Variants in PTPRG observed in about 807,000 individuals in gnomAD.
The protein encoded by PTPRG is protein tyrosine phosphatase receptor type G.
In PTPRG, 102 loss-of-function variants were observed where a neutral mutation model predicts 165.3. The observed-to-expected ratio is 0.62, with a 90% CI of 0.53 to 0.73. The LOEUF (loss-of-function observed/expected upper bound fraction) is 0.73. Ranked by LOEUF, PTPRG falls within the 30% of genes least tolerant of loss-of-function variation. The probability of loss-of-function intolerance (pLI) is 0.00; values close to 1 mark genes in which losing one functional copy is unlikely to be tolerated. For missense variants in PTPRG, 1,866 were observed against 1,861.4 expected, an observed-to-expected ratio of 1.00 and a Z score of -0.05; for synonymous variants, 675 against 669.5, an observed-to-expected ratio of 1.01 and a Z score of -0.13.
intron 5 of PTPRG, among the ~76,000 whole-genome samples, chr3:62,114,455 G>A (rs1013997083): frequency 6.6e-6 from 1 of 152,130 alleles, no homozygotes; most frequent in Non-Finnish European, 1.5e-5. Flanking sequence ...CATTTTTGTT[G>A]TTGTTGTTGT....
Position 61,953,889 on chromosome 3 carries a change from C to T in PTPRG, c.191-35736C>T, listed in dbSNP as rs2039962360. Among the ~76,000 whole-genome samples the T allele has an allele frequency of 3.3e-5, 5 of 152,064 alleles. No individual in the cohort carries two copies. The South Asian group carries it at 1.0e-3, about 32-fold the overall frequency. On this transcript the variant is annotated intron_variant, in intron 2 of 29. Transcript: ENST00000474889. ...CTGCTGCTGTACAATCTGCTGCTCT[C>T]TTCAGATGCTTTGACCTGTTCCTAT...
At chr3:61,814,910 A>G (rs1014747258) in intron 2 of PTPRG, among the ~76,000 whole-genome samples, 4 of 151,916 alleles carry the variant, frequency 2.6e-5, no homozygotes, top group African/African-American at 9.7e-5. Flanking sequence ...TTTTATTGCT[A>G]TTTCATAAAT....
intron 1 of PTPRG, among the ~76,000 whole-genome samples, chr3:61,595,170 G>A (rs1575525869): frequency 6.6e-6 from 1 of 151,726 alleles, no homozygotes; most frequent in South Asian, 2.1e-4. Flanking sequence ...GGACGAAACC[G>A]AACAAGATGT....
Position 62,281,601 on chromosome 3 carries a change from A to T in PTPRG, c.3804A>T (p.Glu1268Asp). The T allele has an allele frequency of 6.8e-7, 1 of 1,474,392 alleles. No individual in the cohort carries two copies. The highest frequency in any genetic ancestry group is 9.1e-7 in the Non-Finnish European group (1 of 1,096,912). The allele number at this position is 1,474,392 out of a possible 1,614,324, so 91.3% of individuals were successfully genotyped here. A position where few individuals can be genotyped will look rare whatever the true frequency, so the allele number is the denominator to read the frequency against. The change falls in exon 27 of 30, where the codon GAA (glutamate) becomes GAT (aspartate). Residue 1268 changes from glutamate (E) to aspartate (D), a missense_variant. By Grantham distance (45) the Glu-to-Asp change is conservative. Coordinates refer to ENST00000474889, the MANE Select transcript of PTPRG (RefSeq NM_002841.4). ...TTGTGTACTGGCCAAGTCGAGAAGA[A>T]TCCATGAACTGTGAGGCCTTTACCG... Reference protein sequence around the residue: ...DEFVYWPSREESMNCEAFTVT... With the variant: ...DEFVYWPSREDSMNCEAFTVT...
At chr3:62,068,122 C>T (rs1049830304) in intron 4 of PTPRG, among the ~76,000 whole-genome samples, 4 of 152,118 alleles carry the variant, frequency 2.6e-5, no homozygotes, top group Non-Finnish European at 5.9e-5. Flanking sequence ...GCCTTAATTT[C>T]CTTCTGTATA....
intron 2 of PTPRG, among the ~76,000 whole-genome samples, chr3:61,890,198 T>A (rs935636829): frequency 6.6e-6 from 1 of 152,208 alleles, no homozygotes; most frequent in Non-Finnish European, 1.5e-5. Flanking sequence ...ATTTATTAGA[T>A]GGAAAATTAT....
chr3:62,002,760 A>G (rs1408948840), intron 3 of PTPRG, among the ~76,000 whole-genome samples: 1 of 152,166 alleles, frequency 6.6e-6, no homozygotes. Flanking sequence ...TCAAGAGTAG[A>G]TTTTTGCATT....
chr3:61,604,731 T>C (rs1700954051), intron 1 of PTPRG, among the ~76,000 whole-genome samples: 1 of 151,240 alleles, frequency 6.6e-6, no homozygotes, highest in Non-Finnish European at 1.5e-5. Flanking sequence ...TCAGCTTGCT[T>C]GCCATGAGTT....
intron 5 of PTPRG, among the ~76,000 whole-genome samples, chr3:62,082,937 T>C (rs973260117): frequency 2.0e-5 from 3 of 152,220 alleles, no homozygotes; most frequent in Non-Finnish European, 4.4e-5. Flanking sequence ...TTCTAGATCA[T>C]GCAGATCACC....
intron 2 of PTPRG, among the ~76,000 whole-genome samples, chr3:61,942,652 AACACAGCTATT>A (rs1244007750): frequency 6.6e-6 from 1 of 152,226 alleles, no homozygotes; most frequent in Non-Finnish European, 1.5e-5. Flanking sequence ...GAGGTTTGTG[AACACAGCTATT>A]ACACAGCTAT....
intron 2 of PTPRG, among the ~76,000 whole-genome samples, chr3:61,788,909 T>C (rs1376642470): frequency 6.6e-6 from 1 of 152,216 alleles, no homozygotes; most frequent in Non-Finnish European, 1.5e-5. Flanking sequence ...TTGCCAAGAC[T>C]GGCTCCCTAC....
chr3:61,921,537 G>A (rs2039078326), intron 2 of PTPRG, among the ~76,000 whole-genome samples: 2 of 152,082 alleles, frequency 1.3e-5, no homozygotes, highest in South Asian at 2.1e-4. Context: ...TTCATGTGAC[G>A]AGTTGCATTC....
At chr3:61,605,573 G>GT (rs943264537) in intron 1 of PTPRG, among the ~76,000 whole-genome samples, 33 of 24,528 alleles carry the variant, frequency 1.3e-3, no homozygotes, top group East Asian at 2.4e-3. Flanking sequence ...TTATTTTTTT[G>GT]TTTTTTTTAT....
rs1251300211 is a variant in PTPRG at position 61,947,902 on chromosome 3, G to A, written c.191-41723G>A. On this transcript the variant is annotated intron_variant, in intron 2 of 29. Coordinates refer to ENST00000474889, the MANE Select transcript of PTPRG (RefSeq NM_002841.4). Reference sequence around the variant, plus strand: ...AGGAGGCCCTGACCAGACCCTGCTTGCCTTTCAGAAGGACTGAATATGGAA... The same window carrying A: ...AGGAGGCCCTGACCAGACCCTGCTTACCTTTCAGAAGGACTGAATATGGAA... Among the ~76,000 whole-genome samples the A allele has an allele frequency of 2.6e-5, 4 of 152,252 alleles. No homozygotes were observed. The East Asian group carries it at 7.7e-4, about 29-fold the overall frequency.
chr3:62,132,158 G>A (rs1329990569), intron 5 of PTPRG, among the ~76,000 whole-genome samples: 2 of 152,152 alleles, frequency 1.3e-5, no homozygotes, highest in Non-Finnish European at 2.9e-5. Flanking sequence ...GGATCCTTAC[G>A]AAGGAGAATA....
intron 19 of PTPRG, among the ~76,000 whole-genome samples, chr3:62,268,248 G>A (rs1176228812): frequency 6.6e-6 from 1 of 151,886 alleles, no homozygotes; most frequent in Non-Finnish European, 1.5e-5. Context: ...AGTTAAGATT[G>A]GGGGAAGCAA....
intron 2 of PTPRG, among the ~76,000 whole-genome samples, chr3:61,892,425 G>C (rs1323035650): frequency 6.6e-6 from 1 of 152,098 alleles, no homozygotes; most frequent in Non-Finnish European, 1.5e-5. Flanking sequence ...TTGTTGCCTA[G>C]GCACATCTCA....
At chr3:62,079,802 C>T (rs1288859119) in intron 5 of PTPRG, among the ~76,000 whole-genome samples, 1 of 152,170 alleles carries the variant, frequency 6.6e-6, no homozygotes, top group Non-Finnish European at 1.5e-5. Context: ...ACTTTTCAAT[C>T]TCAGTATCCT....
At chr3:62,166,628 G>T (rs939325555) in intron 7 of PTPRG, among the ~76,000 whole-genome samples, 1 of 151,868 alleles carries the variant, frequency 6.6e-6, no homozygotes, top group East Asian at 2.0e-4. Context: ...GAGCCACCGG[G>T]CCTGGCCAGA....
Sources: allele counts gnomAD v4.1 joint callset (sites outside exome capture counted in the v4.1 genomes callset), GRCh38; gene constraint gnomAD v4.1.1; transcripts MANE v1.5; gene names NCBI Gene and HGNC (gene_info 2026-07-23, HGNC 2026-07-21).